Variants in GNAS observed in about 807,000 individuals in gnomAD.
The protein encoded by GNAS is protein ALEX.
A neutral mutation model predicts 54.5 loss-of-function variants in GNAS; 8 were observed. The ratio of observed to expected loss-of-function variants is 0.15; its 90% CI spans 0.09 to 0.26. The LOEUF (loss-of-function observed/expected upper bound fraction) is 0.26. GNAS is among the 10% of genes least tolerant of loss of function. The pLI is 1.00. For missense variants in GNAS, 170 were observed against 529.8 expected, an observed-to-expected ratio of 0.32 and a Z score of 6.67; for synonymous variants, 204 against 191.4, an observed-to-expected ratio of 1.07 and a Z score of -0.54.
upstream of GNAS, chr20:58,840,372 A>G (rs563844600): frequency 1.0e-4 from 166 of 1,613,394 alleles, 3 homozygotes; most frequent in South Asian, 1.8e-3. The surrounding 1 kb of genome is among the most constrained non-coding windows in gnomAD (Gnocchi z 6.0). Context: ...CACGAGCACG[A>G]GGAGGCAGAC....
At chr20:58,893,885 T>C (rs2089775808) in intron 1 of GNAS, among the ~76,000 whole-genome samples, 1 of 152,228 alleles carries the variant, frequency 6.6e-6, no homozygotes, top group Admixed American at 6.5e-5. Context: ...TCCACTTAAT[T>C]TGAGACTGTT....
intron 1 of GNAS, among the ~76,000 whole-genome samples, chr20:58,883,864 T>A (rs559956370): frequency 6.6e-6 from 1 of 152,344 alleles, no homozygotes; most frequent in African/African-American, 2.4e-5. Flanking sequence ...CGATGGTTAG[T>A]TCCCCCCTCA....
At chr20:58,865,236 G>A (rs1045981996) in intron 1 of GNAS, among the ~76,000 whole-genome samples, 2 of 151,796 alleles carry the variant, frequency 1.3e-5, no homozygotes, top group African/African-American at 4.8e-5. Context: ...TGGCCACGTG[G>A]TGAAACCCCA....
chr20:58,890,238 G>A (rs924164818), upstream of GNAS, among the ~76,000 whole-genome samples: 21 of 151,304 alleles, frequency 1.4e-4, no homozygotes, highest in East Asian at 1.4e-3. Flanking sequence ...CCAGGAGGAG[G>A]CCCGATGCCC....
At chr20:58,851,900 A>C (rs1382508146) in intron 1 of GNAS, among the ~76,000 whole-genome samples, 1 of 152,196 alleles carries the variant, frequency 6.6e-6, no homozygotes, top group African/African-American at 2.4e-5. Context: ...AGCAGCGAGC[A>C]GCGCACCTCA....
chr20:58,903,250 C>T (rs1404415465), intron 3 of GNAS: 1 of 533,626 alleles, frequency 1.9e-6, no homozygotes, highest in African/African-American at 1.9e-5. Flanking sequence ...GGCTTCAAAC[C>T]CATGAAAGAT....
chr20:58,866,414 C>T (rs1050926670), intron 1 of GNAS, among the ~76,000 whole-genome samples: 2 of 152,146 alleles, frequency 1.3e-5, no homozygotes, highest in African/African-American at 2.4e-5. Flanking sequence ...AAGAGTCTTG[C>T]GCTTGGTCTC....
rs2086248095 is a variant in GNAS, at chr20:58,853,068, G to A, written c.43+12182G>A. On this transcript the variant is annotated intron_variant, in intron 1 of 12. Transcript: ENST00000306090. The surrounding 1 kb of genome is among the most constrained non-coding windows in gnomAD (Gnocchi z 4.4). ...AGCCAAGACTCCACCAGCAACAATT[G>A]AGTTGCTTCAGCCTCAGTCTAGGGT... 1.1e-5 allele frequency: 15 copies of A among 1,381,640 alleles called. No homozygotes were observed. The South Asian group carries it at 2.7e-4, about 24-fold the overall frequency. 85.6% of individuals were successfully genotyped at this position (1,381,640 alleles called of 1,614,324 possible).
Position 58,910,551 on chromosome 20 carries a change from C to G in GNAS, c.1039-132C>G. 8.1e-7 allele frequency: 1 copy of G among 1,229,378 alleles called. No individual in the cohort carries two copies. The allele number at this position is 1,229,378 out of a possible 1,614,324, so 76.2% of individuals were successfully genotyped here. Reference sequence around the variant, plus strand: ...CAGTGTGGATTTGAGCTCTTTGCGCCCCTCTTTTTGCTTTTGTTTTCATAT... The same window carrying G: ...CAGTGTGGATTTGAGCTCTTTGCGCGCCTCTTTTTGCTTTTGTTTTCATAT... On this transcript the variant is annotated intron_variant, in intron 12 of 12. Transcript: ENST00000371085. This position sits in a 1 kb window ranked among gnomAD's most constrained non-coding sequence, Gnocchi z 5.8.
chr20:58,903,977 T>C (rs745479411), intron 5 of GNAS, among the ~76,000 whole-genome samples, 186 bp downstream of exon 5: 24 of 152,218 alleles, frequency 1.6e-4, no homozygotes, highest in Non-Finnish European at 2.6e-4. Context: ...AATTTAATAA[T>C]AATAATCATT....
At chr20:58,902,615 G>T (rs1170416685) in intron 3 of GNAS, among the ~76,000 whole-genome samples, 1 of 151,956 alleles carries the variant, frequency 6.6e-6, no homozygotes, top group Non-Finnish European at 1.5e-5. Flanking sequence ...GGCCTTCTAG[G>T]GGGTGGAATC....
In GNAS at chr20:58,853,693, C is replaced by A; in HGVS notation, c.43+12807C>A. On this transcript the variant is annotated intron_variant, in intron 1 of 12. Coordinates refer to the GNAS transcript ENST00000306090. The surrounding 1 kb of genome is among the most constrained non-coding windows in gnomAD (Gnocchi z 4.4). ...GGCCCAGCACTCATGGAGCCCGGAG[C>A]CTTCAGTGGTGCCAGACCAGGCCTG... The A allele has an allele frequency of 6.2e-7, 1 of 1,613,800 alleles. No individual in the cohort carries two copies. Among genetic ancestry groups the A allele is most frequent in the Non-Finnish European group, 8.5e-7 (1 of 1,179,870 alleles).
At chr20:58,894,023 T>C (rs1391411568) in intron 1 of GNAS, among the ~76,000 whole-genome samples, 1 of 152,248 alleles carries the variant, frequency 6.6e-6, no homozygotes, top group Non-Finnish European at 1.5e-5. Context: ...CACAATATTT[T>C]GCATTTTTAA....
chr20:58,854,269 C>T (rs758121962), intron 1 of GNAS: 18 of 1,612,334 alleles, frequency 1.1e-5, no homozygotes, highest in East Asian at 2.2e-5. Flanking sequence ...CTTGACGGCC[C>T]GCCCATCAAG....
chr20:58,896,574 A>G (rs775741449), intron 2 of GNAS, among the ~76,000 whole-genome samples: 1 of 152,184 alleles, frequency 6.6e-6, no homozygotes, highest in Non-Finnish European at 1.5e-5. Context: ...TTTTCTCCCC[A>G]AGACCCCAGA....
chr20:58,842,278 T>C (rs975435326), intron 1 of GNAS: 4 of 387,858 alleles, frequency 1.0e-5, no homozygotes, highest in African/African-American at 6.2e-5. Flanking sequence ...TGGAAATTGA[T>C]TTTTTTTTTC....
Position 58,910,919 on chromosome 20 carries a change from G to A in GNAS, c.*90G>A. The A allele has an allele frequency of 7.8e-7, 1 of 1,287,340 alleles. No individual in the cohort carries two copies. 79.7% of individuals were successfully genotyped at this position (1,287,340 alleles called of 1,614,324 possible). On this transcript the variant is annotated 3_prime_UTR_variant, in exon 13 of 13. Transcript: ENST00000371085. This position sits in a 1 kb window ranked among gnomAD's most constrained non-coding sequence, Gnocchi z 5.8. ...ACAAGCAGTTAATCACCCACCATAGGGCATGATTAACAAAGCAACCTTTCC... is the reference window on the plus strand; with the variant it reads ...ACAAGCAGTTAATCACCCACCATAGAGCATGATTAACAAAGCAACCTTTCC...
intron 2 of GNAS, among the ~76,000 whole-genome samples, chr20:58,896,478 T>C (rs1225667055): frequency 1.3e-5 from 2 of 152,222 alleles, no homozygotes; most frequent in East Asian, 1.9e-4. Context: ...GGAGAGACTT[T>C]GTATTAGACC....
intron 1 of GNAS, among the ~76,000 whole-genome samples, chr20:58,851,924 C>T (rs1357760298): frequency 2.6e-5 from 4 of 152,302 alleles, no homozygotes; most frequent in East Asian, 1.9e-4. Context: ...CCGGTTGCCG[C>T]GCGGCATGGT....
Sources: allele counts gnomAD v4.1 joint callset (sites outside exome capture counted in the v4.1 genomes callset), GRCh38; gene constraint gnomAD v4.1.1; non-coding constraint Gnocchi (gnomAD v3.1); transcripts MANE v1.5; gene names NCBI Gene and HGNC (gene_info 2026-07-23, HGNC 2026-07-21).